Variants in TMEM230 observed in about 807,000 individuals in gnomAD.
TMEM230 encodes the protein UPF0414 transmembrane protein C20orf30.
Under a neutral mutation model 15.8 loss-of-function variants are expected in TMEM230, and 10 were observed. The ratio of observed to expected loss-of-function variants is 0.63; its 90% CI spans 0.39 to 1.07. The LOEUF is 1.07. Ranked by LOEUF, TMEM230 falls within the 50% of genes least tolerant of loss-of-function variation. The pLI, the probability that TMEM230 is intolerant of heterozygous loss-of-function variation, is 0.01. For synonymous variants in TMEM230, 67 were observed against 76.9 expected (o/e 0.87, Z 0.68); for missense variants, 165 against 193.3 (o/e 0.85, Z 0.87).
At chr20:5,064,667 G>A (rs2088635151), downstream of TMEM230, among the ~76,000 whole-genome samples, 1 of 151,854 alleles carries the variant, frequency 6.6e-6, no homozygotes, top group Non-Finnish European at 1.5e-5. Context: ...GGAAGTATAA[G>A]CAAAAATTAC....
chr20:5,092,669 C>T (rs1283922961), intron 3 of TMEM230, among the ~76,000 whole-genome samples: 2 of 148,404 alleles, frequency 1.3e-5, no homozygotes, highest in South Asian at 2.1e-4. Context: ...GAGCTGAGAT[C>T]GCACCATTGT....
At chr20:5,085,536 G>A (rs1335556469) in intron 3 of TMEM230, among the ~76,000 whole-genome samples, 2 of 152,046 alleles carry the variant, frequency 1.3e-5, no homozygotes, top group African/African-American at 4.8e-5. Flanking sequence ...TGACCTGCTC[G>A]CCTCGGCCTC....
chr20:5,106,763 T>C (rs2122789294), intron 3 of TMEM230, among the ~76,000 whole-genome samples: 1 of 152,228 alleles, frequency 6.6e-6, no homozygotes, highest in South Asian at 2.1e-4. Flanking sequence ...TGGAGTGCAG[T>C]GGTGCAATTA....
intron 3 of TMEM230, among the ~76,000 whole-genome samples, chr20:5,087,704 T>G (rs2089385614): frequency 6.9e-6 from 1 of 144,674 alleles, no homozygotes; most frequent in Admixed American, 6.8e-5. Flanking sequence ...GGCTTTTTTT[T>G]TTTTTTTTTT....
In TMEM230 at chr20:5,100,376, A is replaced by G. The variant is rs2089805780; in HGVS notation, c.*415T>C. The G allele has an allele frequency of 2.0e-6, 2 of 989,242 alleles. No individual in the cohort carries two copies. Among genetic ancestry groups the G allele is most frequent in the African/African-American group, 3.5e-5 (2 of 57,232 alleles). 61.3% of individuals were successfully genotyped at this position (989,242 alleles called of 1,614,324 possible). On this transcript the variant is annotated 3_prime_UTR_variant, in exon 5 of 5. Transcript: ENST00000342308. ...GAAGGTAGGGATAAGTGTACAGGAT[A>G]ATATACTCAGATATTTTTAAAATAA...
downstream of TMEM230, among the ~76,000 whole-genome samples, chr20:5,065,853 A>C (rs1376778800): frequency 6.6e-6 from 1 of 152,180 alleles, no homozygotes; most frequent in Admixed American, 6.5e-5. Context: ...ACTGTAGGTC[A>C]GATTGGAGTT....
intron 3 of TMEM230, among the ~76,000 whole-genome samples, chr20:5,081,864 C>CTTTTTTTTGTTTTTTTTTTT (rs770805896): frequency 7.1e-6 from 1 of 140,334 alleles, no homozygotes; most frequent in African/African-American, 3.0e-5. Context: ...CACTGATTTT[C>CTTTTTTTTGTTTTTTTTTTT]TTTTTTTTCT....
At chr20:5,097,181 C>T (rs914206013), downstream of TMEM230, among the ~76,000 whole-genome samples, 2 of 152,206 alleles carry the variant, frequency 1.3e-5, no homozygotes, top group African/African-American at 4.8e-5. Context: ...TGCTAGTTTG[C>T]AACCTGTGCT....
At chr20:5,109,813 A>G (rs2090241847) in intron 2 of TMEM230, among the ~76,000 whole-genome samples, 1 of 152,106 alleles carries the variant, frequency 6.6e-6, no homozygotes, top group Admixed American at 6.6e-5. Context: ...AATAATGGGG[A>G]CTTAAATCTA....
chr20:5,085,996 C>T (rs1384064149), intron 3 of TMEM230, among the ~76,000 whole-genome samples: 1 of 152,200 alleles, frequency 6.6e-6, no homozygotes, highest in Non-Finnish European at 1.5e-5. Context: ...CGTCATGCTT[C>T]TTGACTTGGG....
chr20:5,100,972 T>TTA (rs2089834939), intron 4 of TMEM230, 41 bp from the exon 4 acceptor site: 1 of 1,606,868 alleles, frequency 6.2e-7, no homozygotes, highest in Admixed American at 1.7e-5. Context: ...ACCGTAAGAG[T>TTA]TACACATTTT....
intron 3 of TMEM230, among the ~76,000 whole-genome samples, chr20:5,078,538 C>A (rs1427458033): frequency 6.6e-6 from 1 of 152,180 alleles, no homozygotes; most frequent in Non-Finnish European, 1.5e-5. Context: ...TGGCTTAACA[C>A]AACAAAGGTG....
chr20:5,106,055 A>G lies in TMEM230; in HGVS notation c.411+133T>C, dbSNP rs1568504510. ...GACAGAGCAAGACCCTGTCTCAAAA[A>G]AAACAGACCACTGGGACGGACAAAC... On this transcript the variant is annotated intron_variant, in intron 4 of 4. Coordinates refer to ENST00000342308, the MANE Select transcript of TMEM230 (RefSeq NM_001009923.2). 2.9e-6 allele frequency: 4 copies of G among 1,393,230 alleles called. No homozygotes were observed. In the East Asian group the frequency reaches 1.0e-4, roughly 35 times the overall value. The allele number at this position is 1,393,230 out of a possible 1,614,324, so 86.3% of individuals were successfully genotyped here. A position where few individuals can be genotyped will look rare whatever the true frequency, so the allele number is the denominator to read the frequency against.
rs148462555 is a variant in TMEM230, at chr20:5,071,899, T to C, written c.223-2550A>G. ...CGATTACAGGTGTGTGCCACCACGC[T>C]GCCACCACACCCAGCTAATTTTTGT... is the stretch of plus-strand genomic sequence containing the variant. On this transcript the variant is annotated intron_variant, in intron 3 of 3. Coordinates refer to the TMEM230 transcript ENST00000612323. 4.8e-3 allele frequency among the ~76,000 whole-genome samples: 736 copies of C among 151,922 alleles called. 5 individuals are homozygous for C. The highest frequency in any genetic ancestry group is 0.017 in the African/African-American group (710 of 41,450).
At chr20:5,095,974 C>G (rs1408111040), downstream of TMEM230, among the ~76,000 whole-genome samples, 1 of 152,232 alleles carries the variant, frequency 6.6e-6, no homozygotes, top group Admixed American at 6.5e-5. Flanking sequence ...GGGCCTTTCA[C>G]TTTTTCCAGA....
intron 4 of TMEM230, among the ~76,000 whole-genome samples, chr20:5,103,854 G>A (rs1389700881): frequency 6.6e-6 from 1 of 152,198 alleles, no homozygotes; most frequent in East Asian, 1.9e-4. Flanking sequence ...AAACATGGGG[G>A]AAACTCTCCA....
In TMEM230 at chr20:5,110,098, A is replaced by G. The variant is rs1309653634; in HGVS notation, c.175-653T>C. Among the ~76,000 whole-genome samples, 3 of 152,048 alleles carry G rather than the reference A, an allele frequency of 2.0e-5. No homozygotes were observed. In the East Asian group the frequency reaches 5.8e-4, roughly 29 times the overall value. Reference sequence around the variant, plus strand: ...TGGAGACGGTGTCTTGCTTTGTCACACAGGCTAGAGTGCAGTGGGTTGATC... The same window carrying G: ...TGGAGACGGTGTCTTGCTTTGTCACGCAGGCTAGAGTGCAGTGGGTTGATC... On this transcript the variant is annotated intron_variant, in intron 2 of 4. Coordinates refer to ENST00000342308, the MANE Select transcript of TMEM230 (RefSeq NM_001009923.2).
chr20:5,067,433 A>ATATG (rs1255082725), downstream of TMEM230: 2 of 13,704 alleles, frequency 1.5e-4, no homozygotes, highest in Non-Finnish European at 2.7e-4. Context: ...ATATATATAT[A>ATATG]TATATATATA....
chr20:5,092,507 C>T (rs988768069), intron 3 of TMEM230, among the ~76,000 whole-genome samples: 2 of 152,130 alleles, frequency 1.3e-5, no homozygotes, highest in African/African-American at 2.4e-5. Context: ...CACCTGAGGT[C>T]GGGAGTTCAT....
Sources: allele counts gnomAD v4.1 joint callset (sites outside exome capture counted in the v4.1 genomes callset), GRCh38; gene constraint gnomAD v4.1.1; transcripts MANE v1.5; gene names NCBI Gene and HGNC (gene_info 2026-07-23, HGNC 2026-07-21).